The following DAB2IP variants were observed in gnomAD, a reference collection of about 807,000 sequenced individuals.
DAB2IP encodes the protein disabled homolog 2-interacting protein.
A neutral mutation model predicts 107.2 loss-of-function variants in DAB2IP; 28 were observed. That is an observed-to-expected ratio of 0.26 (90% CI 0.19 to 0.36). The LOEUF (loss-of-function observed/expected upper bound fraction) is 0.36, where lower values mean the gene tolerates loss of function less well. DAB2IP is among the 10% of genes least tolerant of loss of function. The probability of loss-of-function intolerance (pLI) is 1.00; values close to 1 mark genes in which losing one functional copy is unlikely to be tolerated. For synonymous variants in DAB2IP, 755 were observed against 706.4 expected (o/e 1.07, Z -1.09); for missense variants, 1,400 against 1,644.7 (o/e 0.85, Z 2.57).
intron 1 of DAB2IP, among the ~76,000 whole-genome samples, chr9:121,616,711 C>T (rs1237827338): frequency 2.0e-5 from 3 of 152,198 alleles, no homozygotes; most frequent in African/African-American, 4.8e-5. Context: ...GATCACTCTT[C>T]GCCACAGGCA....
At chr9:121,655,862 T>C (rs2119072874) in intron 1 of DAB2IP, among the ~76,000 whole-genome samples, 1 of 152,246 alleles carries the variant, frequency 6.6e-6, no homozygotes, top group African/African-American at 2.4e-5. Context: ...TCCTCCTCCG[T>C]GCCTGTACAC....
At chr9:121,705,137 C>A (rs562431939) in intron 3 of DAB2IP, among the ~76,000 whole-genome samples, 3 of 152,308 alleles carry the variant, frequency 2.0e-5, no homozygotes, top group African/African-American at 7.2e-5. Flanking sequence ...AAGATCTGAG[C>A]TGGGCAATGT....
At chr9:121,641,054 C>T (rs995733107) in intron 1 of DAB2IP, among the ~76,000 whole-genome samples, 2 of 151,336 alleles carry the variant, frequency 1.3e-5, no homozygotes, top group African/African-American at 4.8e-5. Context: ...CAAGAGAGCT[C>T]CTCCTGGGAT....
chr9:121,751,365 C>G (rs563881980), intron 3 of DAB2IP: 1 of 153,992 alleles, frequency 6.5e-6, no homozygotes, highest in Non-Finnish European at 1.4e-5. Context: ...TTAGTCCTGA[C>G]AGGATTGTCA....
At chr9:121,592,860 C>T (rs570032327) in intron 1 of DAB2IP, among the ~76,000 whole-genome samples, 11 of 152,252 alleles carry the variant, frequency 7.2e-5, no homozygotes, top group Non-Finnish European at 1.6e-4. Flanking sequence ...AGATTGGAAT[C>T]CCTGGGCTAC....
chr9:121,641,980 CTTT>C lies in DAB2IP; in HGVS notation c.41-36697_41-36695del, dbSNP rs747431802. On this transcript the variant is annotated intron_variant, in intron 1 of 16. Coordinates refer to the DAB2IP transcript ENST00000259371. The stretch of plus-strand genomic sequence containing the variant: ...TTTCTTTCTCTCTCTCTCTTTCTTT[CTTT>C]CTTTCTTTCCTTTCTCTCTCTCTCT... Among the ~76,000 whole-genome samples the C allele has an allele frequency of 5.4e-3, 477 of 88,866 alleles. 6 individuals are homozygous for C. Among genetic ancestry groups the C allele is most frequent in the African/African-American group, 0.021 (353 of 16,716 alleles). 58.3% of individuals were successfully genotyped at this position (88,866 alleles called of 152,430 possible).
intron 14 of DAB2IP, among the ~76,000 whole-genome samples, chr9:121,777,337 C>T (rs141773112): frequency 3.9e-5 from 6 of 152,338 alleles, no homozygotes; most frequent in African/African-American, 1.2e-4. Context: ...TTCTCTGTTC[C>T]TGACTGTTGT....
At chr9:121,766,614 C>T (rs1834304316) in exon 9 of DAB2IP, 4 of 1,614,036 alleles carry the variant, frequency 2.5e-6, no homozygotes, top group Non-Finnish European at 3.4e-6. Flanking sequence ...GCTTCCTCTG[C>T]CCAGCCATCA....
chr9:121,665,106 C>T (rs1045552085), intron 1 of DAB2IP, among the ~76,000 whole-genome samples: 1 of 152,182 alleles, frequency 6.6e-6, no homozygotes, highest in African/African-American at 2.4e-5. Context: ...TATGGAAAAG[C>T]CAGTATGTAC....
At chr9:121,692,205 C>T (rs1461631908) in intron 2 of DAB2IP, among the ~76,000 whole-genome samples, 2 of 152,120 alleles carry the variant, frequency 1.3e-5, no homozygotes, top group East Asian at 3.8e-4. Context: ...TAGCTGAGTA[C>T]ATGTGTATAT....
intron 1 of DAB2IP, among the ~76,000 whole-genome samples, chr9:121,656,876 A>G (rs546341704): frequency 6.6e-6 from 1 of 152,322 alleles, no homozygotes; most frequent in Admixed American, 6.5e-5. Context: ...GCCCACCTCC[A>G]GGTCCTGAGA....
exon 16 of DAB2IP, chr9:121,784,828 C>CTT (rs1057156770): frequency 6.5e-6 from 1 of 153,328 alleles, no homozygotes; most frequent in African/African-American, 2.4e-5. Flanking sequence ...CAGCTGCTGT[C>CTT]TGAGTAGTGG....
At chr9:121,733,332 C>A (rs115111620) in intron 3 of DAB2IP, among the ~76,000 whole-genome samples, 3 of 152,244 alleles carry the variant, frequency 2.0e-5, no homozygotes, top group Non-Finnish European at 4.4e-5. Flanking sequence ...TCTCTCCCCA[C>A]GGGATGTACA....
At chr9:121,613,419 T>TACCAAATTG (rs1052235091) in intron 1 of DAB2IP, among the ~76,000 whole-genome samples, 1 of 152,226 alleles carries the variant, frequency 6.6e-6, no homozygotes, top group African/African-American at 2.4e-5. Flanking sequence ...ATTGTTTAGT[T>TACCAAATTG]AATTACCAAA....
At chr9:121,784,550 A>G (rs908272824) in exon 16 of DAB2IP, 1 of 154,762 alleles carries the variant, frequency 6.5e-6, no homozygotes, top group African/African-American at 2.4e-5. Context: ...AAACTGTAAA[A>G]GTGTACAGAC....
At position 121,763,377 on chromosome 9, in the gene DAB2IP, G is replaced by A. The variant is rs1199857264; in HGVS notation, c.1171-128G>A. The A allele has an allele frequency of 1.7e-5, 23 of 1,341,798 alleles. No individual in the cohort carries two copies. In the Admixed American group the frequency reaches 2.0e-4, roughly 12 times the overall value. 83.1% of individuals were successfully genotyped at this position (1,341,798 alleles called of 1,614,324 possible). On this transcript the variant is annotated intron_variant, in intron 6 of 15. Coordinates refer to ENST00000408936, the Ensembl canonical transcript of DAB2IP. ...AAAGGTGGGCACACTGTTCCTCTCC[G>A]GGACCCCCGCAGCTTGGTGATGGAA...
At chr9:121,781,644 T>G in intron 15 of DAB2IP, 93 bp downstream of exon 15, 1 of 1,276,070 alleles carries the variant, frequency 7.8e-7, no homozygotes. Context: ...CATACCTCAC[T>G]GCAGACACTG....
At position 121,633,006 on chromosome 9, in the gene DAB2IP, T is replaced by C. The variant is rs994140241; in HGVS notation, c.41-45672T>C. Reference sequence around the variant, plus strand: ...GCTCCCCAACCCTGCTCAGCTTCCCTCTCTCCCAGACTGAGGGGTTCCAGC... The same window carrying C: ...GCTCCCCAACCCTGCTCAGCTTCCCCCTCTCCCAGACTGAGGGGTTCCAGC... On this transcript the variant is annotated intron_variant, in intron 1 of 16. Transcript: ENST00000259371. The surrounding 1 kb of genome is among the most constrained non-coding windows in gnomAD (Gnocchi z 5.1). Among the ~76,000 whole-genome samples the C allele has an allele frequency of 1.3e-5, 2 of 152,190 alleles. No homozygotes were observed. Among genetic ancestry groups the C allele is most frequent in the African/African-American group, 4.8e-5 (2 of 41,462 alleles).
At chr9:121,625,047 G>A (rs1041174852) in intron 1 of DAB2IP, among the ~76,000 whole-genome samples, 1 of 152,194 alleles carries the variant, frequency 6.6e-6, no homozygotes, top group African/African-American at 2.4e-5. Flanking sequence ...TGGGGAGGGA[G>A]GGGCCCTGCT....
Sources: gnomAD v4.1 joint callset for allele counts (sites outside exome capture counted in the v4.1 genomes callset) on GRCh38, gnomAD v4.1.1 for gene constraint, Gnocchi (gnomAD v3.1) non-coding constraint, MANE v1.5 for transcripts, NCBI Gene and HGNC (gene_info 2026-07-23, HGNC 2026-07-21) for gene names.